Variants in RSRC1 observed in about 807,000 individuals in gnomAD.
RSRC1 encodes the protein arginine and serine rich coiled-coil 1, also known as serine/Arginine-related protein 53.
A neutral mutation model predicts 49.1 loss-of-function variants in RSRC1; 39 were observed. That is an observed-to-expected ratio of 0.79 (90% CI 0.61 to 1.04). RSRC1 has a LOEUF of 1.04. Among genes scored for constraint, RSRC1 ranks in the 50% least tolerant of loss-of-function variants. The pLI, the probability that RSRC1 is intolerant of heterozygous loss-of-function variation, is 0.00. For missense variants in RSRC1, 388 were observed against 402.4 expected, an observed-to-expected ratio of 0.96 and a Z score of 0.31; for synonymous variants, 143 against 130.8, an observed-to-expected ratio of 1.09 and a Z score of -0.63.
At chr3:158,458,858 A>C (rs1436277318) in intron 6 of RSRC1, among the ~76,000 whole-genome samples, 1 of 152,192 alleles carries the variant, frequency 6.6e-6, no homozygotes, top group African/African-American at 2.4e-5. Context: ...GAATGCCATG[A>C]GTTCTTCCTT....
chr3:158,233,318 C>T (rs772247097), intron 4 of RSRC1, among the ~76,000 whole-genome samples: 7 of 152,064 alleles, frequency 4.6e-5, no homozygotes, highest in Non-Finnish European at 7.4e-5. Context: ...TAGTAGGAAG[C>T]TATCAGTTTG....
chr3:158,196,025 T>C (rs944193111), intron 3 of RSRC1, among the ~76,000 whole-genome samples: 2 of 152,178 alleles, frequency 1.3e-5, no homozygotes, highest in Non-Finnish European at 2.9e-5. Context: ...TTTTTTTCAA[T>C]TCTGTGAAGA....
chr3:158,276,458 C>T (rs557132072), intron 4 of RSRC1: 15 of 677,430 alleles, frequency 2.2e-5, no homozygotes, highest in South Asian at 1.0e-4. Context: ...GACAGAAAGG[C>T]GCCAAGGTTA....
rs140968054 is a variant in RSRC1, at chr3:158,303,901, C to T, written c.531+5826C>T. Among the ~76,000 whole-genome samples, 228 of 152,116 alleles carry T rather than the reference C, an allele frequency of 1.5e-3. 2 individuals are homozygous for T. The highest frequency in any genetic ancestry group is 5.2e-3 in the African/African-American group (217 of 41,508). On this transcript the variant is annotated intron_variant, in intron 5 of 9. Coordinates refer to ENST00000611884, the MANE Select transcript of RSRC1 (RefSeq NM_001271838.2). Reference sequence around the variant, plus strand: ...GAGTTGGACACTAGGACTAATAATACCTTGTTAAGCTTTAAGTGGGAAATT... The same window carrying T: ...GAGTTGGACACTAGGACTAATAATATCTTGTTAAGCTTTAAGTGGGAAATT...
chr3:158,110,405 T>G (rs1212651274), intron 1 of RSRC1, 182 bp downstream of exon 1: 1 of 152,626 alleles, frequency 6.6e-6, no homozygotes, highest in Non-Finnish European at 1.5e-5. Flanking sequence ...CCTGGGAGGC[T>G]CCGGACTCCT....
At chr3:158,419,392 GA>G (rs1734919728) in intron 6 of RSRC1, among the ~76,000 whole-genome samples, 1 of 151,904 alleles carries the variant, frequency 6.6e-6, no homozygotes, top group African/African-American at 2.4e-5. Context: ...CATTTGTGGG[GA>G]TAACTGAAGC....
intron 3 of RSRC1, among the ~76,000 whole-genome samples, chr3:158,147,731 T>C (rs930194422): frequency 6.6e-6 from 1 of 152,172 alleles, no homozygotes; most frequent in African/African-American, 2.4e-5. Context: ...GTTCAAATTT[T>C]TTTCCAAATT....
At chr3:158,208,965 C>T (rs1397651774) in intron 4 of RSRC1, among the ~76,000 whole-genome samples, 2 of 152,124 alleles carry the variant, frequency 1.3e-5, no homozygotes, top group Admixed American at 6.6e-5. Context: ...TGGTATAAAA[C>T]CTCTTTAAAT....
In RSRC1 at chr3:158,123,914, A is replaced by T; in HGVS notation, c.243A>T (p.Lys81Asn). 1.2e-6 allele frequency: 2 copies of T among 1,612,976 alleles called. No homozygotes were observed. The highest frequency in any genetic ancestry group is 1.7e-6 in the Non-Finnish European group (2 of 1,179,302). Residue 81 changes from lysine (K) to asparagine (N), a missense_variant, in exon 3 of 10, where the codon AAA becomes AAT. Physicochemically the swap from Lys to Asn is moderately conservative, Grantham distance 94. Coordinates refer to ENST00000611884, the MANE Select transcript of RSRC1 (RefSeq NM_001271838.2). ...GCTCTTCTTATGGCTCCAGAAGGAA[A>T]CGAAGTCGAAGTCGTTCAAGGGGTC... ...SSSSSYGSRR[K>N]RSRSRSRGRG...
rs764096402 is a variant in RSRC1 at position 158,537,214 on chromosome 3, C to G, written c.759+16C>G. 1 of 1,466,604 alleles carries G rather than the reference C, an allele frequency of 6.8e-7. No individual in the cohort carries two copies. The allele number at this position is 1,466,604 out of a possible 1,614,324, so 90.8% of individuals were successfully genotyped here. On this transcript the variant is annotated intron_variant, in intron 8 of 9. Transcript: ENST00000611884. ...AGTCAAAAAGGTAAGTTTTTATCCACCCATTATGAGTAAACCTTTGGATTC... is the reference window on the plus strand; with the variant it reads ...AGTCAAAAAGGTAAGTTTTTATCCAGCCATTATGAGTAAACCTTTGGATTC...
rs1459781241 is a variant in RSRC1, at chr3:158,424,290, G to C, written c.584-36645G>C. Reference sequence around the variant, plus strand: ...TTTATTGAGAGTTTTTAGCATGAAGGGTTGTTGAATTTTGTCAAAGGCCTT... The same window carrying C: ...TTTATTGAGAGTTTTTAGCATGAAGCGTTGTTGAATTTTGTCAAAGGCCTT... On this transcript the variant is annotated intron_variant, in intron 6 of 9. Transcript: ENST00000611884. Among the ~76,000 whole-genome samples, 34 of 151,400 alleles carry C rather than the reference G, an allele frequency of 2.2e-4. 1 individual carries two copies. The highest frequency in any genetic ancestry group is 2.1e-4 in the South Asian group (1 of 4,802).
intron 5 of RSRC1, among the ~76,000 whole-genome samples, chr3:158,315,884 A>G (rs969033458): frequency 3.3e-5 from 5 of 152,174 alleles, no homozygotes; most frequent in African/African-American, 1.2e-4. Context: ...GAAAATGCTG[A>G]AAATAGGCCA....
chr3:158,226,004 A>G (rs1202955636), intron 4 of RSRC1, among the ~76,000 whole-genome samples: 1 of 151,910 alleles, frequency 6.6e-6, no homozygotes, highest in African/African-American at 2.4e-5. Flanking sequence ...CAGGCCTCTA[A>G]TGAAGCAAAG....
At chr3:158,369,690 T>C in intron 6 of RSRC1, among the ~76,000 whole-genome samples, 1 of 152,146 alleles carries the variant, frequency 6.6e-6, no homozygotes, top group East Asian at 1.9e-4. Flanking sequence ...AAAATTTTTG[T>C]AATGTTTATT....
At chr3:158,191,435 G>T (rs1720235866) in intron 3 of RSRC1, among the ~76,000 whole-genome samples, 1 of 151,944 alleles carries the variant, frequency 6.6e-6, no homozygotes, top group Non-Finnish European at 1.5e-5. Flanking sequence ...AAATATTAGG[G>T]TATTTGTTTT....
intron 3 of RSRC1, among the ~76,000 whole-genome samples, chr3:158,155,539 A>G (rs953239928): frequency 2.0e-5 from 3 of 151,114 alleles, no homozygotes; most frequent in African/African-American, 7.3e-5. Flanking sequence ...GGCTGAAGTG[A>G]TCCCACCTCA....
At chr3:158,379,697 C>T (rs1732589332) in intron 6 of RSRC1, among the ~76,000 whole-genome samples, 1 of 151,970 alleles carries the variant, frequency 6.6e-6, no homozygotes. Context: ...CCTGGACACG[C>T]TTCCCCAAAT....
intron 4 of RSRC1, among the ~76,000 whole-genome samples, chr3:158,246,029 A>G (rs1052913143): frequency 6.6e-6 from 1 of 152,194 alleles, no homozygotes; most frequent in South Asian, 2.1e-4. Flanking sequence ...CATTTATACC[A>G]TTTACATTTA....
At chr3:158,177,142 A>G (rs1326054207) in intron 3 of RSRC1, among the ~76,000 whole-genome samples, 1 of 152,222 alleles carries the variant, frequency 6.6e-6, no homozygotes, top group Non-Finnish European at 1.5e-5. Flanking sequence ...TCAGGAAACA[A>G]CAAATGCTGG....
Sources: gnomAD v4.1 joint callset for allele counts (sites outside exome capture counted in the v4.1 genomes callset) on GRCh38, gnomAD v4.1.1 for gene constraint, MANE v1.5 for transcripts, NCBI Gene and HGNC (gene_info 2026-07-23, HGNC 2026-07-21) for gene names.